Variants in UNC5A observed in about 807,000 individuals in gnomAD.
The protein encoded by UNC5A is unc-5 netrin receptor A.
In UNC5A, 20 loss-of-function variants were observed where a neutral mutation model predicts 87.4. That is an observed-to-expected ratio of 0.23 (90% CI 0.16 to 0.33). The LOEUF (loss-of-function observed/expected upper bound fraction) is 0.33. Ranked by LOEUF, UNC5A falls within the 10% of genes least tolerant of loss-of-function variation. The probability of loss-of-function intolerance (pLI) is 1.00; values close to 1 mark genes in which losing one functional copy is unlikely to be tolerated. For synonymous variants in UNC5A, 438 were observed against 482.3 expected (o/e 0.91, Z 1.20); for missense variants, 844 against 1,133.4 (o/e 0.74, Z 3.67).
chr5:176,817,844 C>T (rs1474923104), intron 1 of UNC5A, among the ~76,000 whole-genome samples: 1 of 151,738 alleles, frequency 6.6e-6, no homozygotes, highest in African/African-American at 2.4e-5. Context: ...ACGTCCAGGC[C>T]GGGGGTGGGT....
chr5:176,838,791 G>A lies in UNC5A; in HGVS notation c.71-23833G>A, dbSNP rs1278022762. Among the ~76,000 whole-genome samples the A allele has an allele frequency of 6.6e-6, 1 of 152,194 alleles. No individual in the cohort carries two copies. Among genetic ancestry groups the A allele is most frequent in the African/African-American group, 2.4e-5 (1 of 41,456 alleles). ...GCCTCCTCTCTTGAAAAGCCCTGGG[G>A]AATGTCTCCTGGGACCTCAGTGGCT... On this transcript the variant is annotated intron_variant, in intron 1 of 14. Transcript: ENST00000329542. The surrounding 1 kb of genome is among the most constrained non-coding windows in gnomAD (Gnocchi z 4.2).
rs1451787911 is a variant in UNC5A at position 176,865,621 on chromosome 5, G to A, written c.293-2509G>A. On this transcript the variant is annotated intron_variant, in intron 2 of 14. Transcript: ENST00000329542. The surrounding 1 kb of genome is among the most constrained non-coding windows in gnomAD (Gnocchi z 5.3). Reference sequence around the variant, plus strand: ...CCAAAGCCATCGAGTGCTTTGAGGTGAAGAAAAAGGCTTTCCTTACCCACG... The same window carrying A: ...CCAAAGCCATCGAGTGCTTTGAGGTAAAGAAAAAGGCTTTCCTTACCCACG... 6 of 456,718 alleles carry A rather than the reference G, an allele frequency of 1.3e-5. No individual in the cohort carries two copies. The highest frequency in any genetic ancestry group is 1.5e-5 in the South Asian group (1 of 64,578). 28.3% of individuals were successfully genotyped at this position (456,718 alleles called of 1,614,324 possible). A position where few individuals can be genotyped will look rare whatever the true frequency, so the allele number is the denominator to read the frequency against.
rs550901198 is a variant in UNC5A at position 176,825,282 on chromosome 5, G to A, written c.70+14462G>A. Among the ~76,000 whole-genome samples the A allele has an allele frequency of 2.0e-5, 3 of 152,288 alleles. 1 individual carries two copies. In the South Asian group the frequency reaches 6.2e-4, roughly 32 times the overall value. On this transcript the variant is annotated intron_variant, in intron 1 of 14. Coordinates refer to ENST00000329542, the MANE Select transcript of UNC5A (RefSeq NM_133369.3). ...AGGAGGATTCAGGGGACAATTTTGA[G>A]GAAGCCAAAAGGGGGCCCGGGAGAG...
At chr5:176,835,579 A>G (rs963671326) in intron 1 of UNC5A, among the ~76,000 whole-genome samples, 3 of 152,110 alleles carry the variant, frequency 2.0e-5, no homozygotes, top group Admixed American at 2.0e-4. Context: ...CATGAAACCA[A>G]TGGGCCCTTC....
At chr5:176,811,963 C>T (rs1340369248) in intron 1 of UNC5A, among the ~76,000 whole-genome samples, 1 of 152,098 alleles carries the variant, frequency 6.6e-6, no homozygotes, top group Non-Finnish European at 1.5e-5. Flanking sequence ...ATGATTGAGG[C>T]CGATGGCTGT....
intron 1 of UNC5A, among the ~76,000 whole-genome samples, chr5:176,813,553 A>G (rs1285816253): frequency 3.3e-5 from 5 of 151,992 alleles, no homozygotes; most frequent in African/African-American, 1.2e-4. Context: ...CCCAGGGGAG[A>G]GCTGGTCCTC....
rs751463625 is a variant in UNC5A at position 176,880,832 on chromosome 5, G to A, written c.*946G>A. On this transcript the variant is annotated 3_prime_UTR_variant, in exon 15 of 15. Transcript: ENST00000329542. ...TGGCCTTATGTACACAGCCTTGCCC[G>A]GCCGCCGGGGCACATAGGGGTTTTA... is the stretch of plus-strand genomic sequence containing the variant. 8 of 426,830 alleles carry A rather than the reference G, an allele frequency of 1.9e-5. No homozygotes were observed. Among genetic ancestry groups the A allele is most frequent in the South Asian group, 1.4e-4 (3 of 22,056 alleles). 26.4% of individuals were successfully genotyped at this position (426,830 alleles called of 1,614,324 possible). A position where few individuals can be genotyped will look rare whatever the true frequency, so the allele number is the denominator to read the frequency against.
chr5:176,880,167 T>C lies in UNC5A; in HGVS notation c.*281T>C. The C allele has an allele frequency of 2.4e-6, 1 of 411,142 alleles. No individual in the cohort carries two copies. Among genetic ancestry groups the C allele is most frequent in the Non-Finnish European group, 4.5e-6 (1 of 224,664 alleles). The allele number at this position is 411,142 out of a possible 1,614,324, so 25.5% of individuals were successfully genotyped here. A position where few individuals can be genotyped will look rare whatever the true frequency, so the allele number is the denominator to read the frequency against. ...CAGGCCCAGCCCATCTGTGTGTGTG[T>C]ATGTGCGTGTGATGCTACCTCTCCT... On this transcript the variant is annotated 3_prime_UTR_variant, in exon 15 of 15. Coordinates refer to ENST00000329542, the MANE Select transcript of UNC5A (RefSeq NM_133369.3).
chr5:176,835,578 A>C (rs1215690391), intron 1 of UNC5A, among the ~76,000 whole-genome samples: 1 of 152,128 alleles, frequency 6.6e-6, no homozygotes, highest in African/African-American at 2.4e-5. Context: ...ACATGAAACC[A>C]ATGGGCCCTT....
At position 176,874,272 on chromosome 5, in the gene UNC5A, C is replaced by T; in HGVS notation, c.1084C>T (p.His362Tyr). ...SIKPSKADNPHLLTIQPDLST... is the reference protein window; with the variant it reads ...SIKPSKADNPYLLTIQPDLST... ...CTGTCTTTATCCTGCAGACAACCCC[C>T]ATCTGCTCACCATCCAGCCGGACCT... Residue 362 changes from histidine (H) to tyrosine (Y), a missense_variant, in exon 8 of 15, where the codon CAT becomes TAT. This residue lies in a region of UNC5A where 353 missense variants were observed against 387.5 expected (regional missense o/e 0.91). Transcript: ENST00000329542. The surrounding 1 kb of genome is among the most constrained non-coding windows in gnomAD (Gnocchi z 7.6). 3 of 1,588,770 alleles carry T rather than the reference C, an allele frequency of 1.9e-6. No individual in the cohort carries two copies. Among genetic ancestry groups the T allele is most frequent in the Non-Finnish European group, 2.6e-6 (3 of 1,165,852 alleles).
Position 176,865,733 on chromosome 5 carries a change from C to T in UNC5A, c.293-2397C>T, listed in dbSNP as rs771484807. On this transcript the variant is annotated intron_variant, in intron 2 of 14. Coordinates refer to ENST00000329542, the MANE Select transcript of UNC5A (RefSeq NM_133369.3). This position sits in a 1 kb window ranked among gnomAD's most constrained non-coding sequence, Gnocchi z 5.3. ...CTGTGGTCAGACAGGTATGGCAGGG[C>T]TCGGAGGCCCACCCAGCTCTGCAGC... 2.4e-5 allele frequency: 11 copies of T among 454,420 alleles called. No individual in the cohort carries two copies. In the East Asian group the frequency reaches 4.2e-4, roughly 17 times the overall value. 28.1% of individuals were successfully genotyped at this position (454,420 alleles called of 1,614,324 possible).
rs2113570942 is a variant in UNC5A at position 176,810,996 on chromosome 5, G to A, written c.70+176G>A. Among the ~76,000 whole-genome samples, 1 of 152,194 alleles carries A rather than the reference G, an allele frequency of 6.6e-6. No individual in the cohort carries two copies. Among genetic ancestry groups the A allele is most frequent in the African/African-American group, 2.4e-5 (1 of 41,554 alleles). ...TTGCTGCTGCGCAGCTTCCCCGCGC[G>A]CTCTCCCGGAAGCCTGGGTTCTGCC... On this transcript the variant is annotated intron_variant, in intron 1 of 14. Coordinates refer to ENST00000329542, the MANE Select transcript of UNC5A (RefSeq NM_133369.3). The surrounding 1 kb of genome is among the most constrained non-coding windows in gnomAD (Gnocchi z 7.3).
intron 1 of UNC5A, among the ~76,000 whole-genome samples, chr5:176,828,539 CT>C (rs1198967849): frequency 3.3e-5 from 5 of 152,174 alleles, no homozygotes; most frequent in Non-Finnish European, 7.4e-5. Flanking sequence ...CCTGGCTTCC[CT>C]GGGTTGTTTG....
intron 9 of UNC5A, 127 bp downstream of exon 9, chr5:176,877,406 G>A: frequency 1.5e-6 from 2 of 1,332,908 alleles, no homozygotes; most frequent in Non-Finnish European, 2.1e-6. Flanking sequence ...CTATGCCTAA[G>A]CCCCACGTGG....
chr5:176,839,104 C>A (rs1018607476), intron 1 of UNC5A, among the ~76,000 whole-genome samples: 1 of 152,240 alleles, frequency 6.6e-6, no homozygotes, highest in South Asian at 2.1e-4. Flanking sequence ...CTCCTATCAT[C>A]CCAGCTACTG....
In UNC5A at chr5:176,824,228, G is replaced by A. The variant is rs757124397; in HGVS notation, c.70+13408G>A. Among the ~76,000 whole-genome samples, 14 of 152,216 alleles carry A rather than the reference G, an allele frequency of 9.2e-5. No individual in the cohort carries two copies. Among genetic ancestry groups the A allele is most frequent in the Non-Finnish European group, 1.9e-4 (13 of 68,032 alleles). ...TTTCCCCCATGTGTGGAAAGCGGCCGTGGGGCTGAGGCGGGTGAGGCCAGC... is the reference window on the plus strand; with the variant it reads ...TTTCCCCCATGTGTGGAAAGCGGCCATGGGGCTGAGGCGGGTGAGGCCAGC... On this transcript the variant is annotated intron_variant, in intron 1 of 14. Transcript: ENST00000329542. This position sits in a 1 kb window ranked among gnomAD's most constrained non-coding sequence, Gnocchi z 4.2.
chr5:176,849,442 G>A (rs934032161), intron 1 of UNC5A, among the ~76,000 whole-genome samples: 1 of 152,156 alleles, frequency 6.6e-6, no homozygotes, highest in African/African-American at 2.4e-5. Flanking sequence ...AAAATTACCT[G>A]GGTGTTGTGG....
At chr5:176,818,614 C>A (rs1756652701) in intron 1 of UNC5A, among the ~76,000 whole-genome samples, 1 of 152,206 alleles carries the variant, frequency 6.6e-6, no homozygotes, top group Admixed American at 6.5e-5. Context: ...AGTGGCAGAG[C>A]TGGGACCTTA....
At chr5:176,870,803 A>G (rs558259153) in intron 6 of UNC5A, among the ~76,000 whole-genome samples, 1 of 135,180 alleles carries the variant, frequency 7.4e-6, no homozygotes, top group South Asian at 2.4e-4. Context: ...CCACAGCTTC[A>G]CATCTGCCCA....
Sources: gnomAD v4.1 joint callset for allele counts (sites outside exome capture counted in the v4.1 genomes callset) on GRCh38, gnomAD v4.1.1 for gene constraint, gnomAD v4.1.1 regional missense constraint, Gnocchi (gnomAD v3.1) non-coding constraint, MANE v1.5 for transcripts, NCBI Gene and HGNC (gene_info 2026-07-23, HGNC 2026-07-21) for gene names.